Variants in EPB41 observed in about 807,000 individuals in gnomAD.
EPB41 encodes the protein erythrocyte membrane protein band 4.1.
In EPB41, 65 loss-of-function variants were observed where a neutral mutation model predicts 108.0. The ratio of observed to expected loss-of-function variants is 0.60; its 90% CI spans 0.49 to 0.74. The LOEUF (loss-of-function observed/expected upper bound fraction) is 0.74. Among genes scored for constraint, EPB41 ranks in the 30% least tolerant of loss-of-function variants. The probability of loss-of-function intolerance (pLI) is 0.00; values close to 1 mark genes in which losing one functional copy is unlikely to be tolerated. For missense variants in EPB41, 875 were observed against 1,037.0 expected (o/e 0.84, Z 2.15); for synonymous variants, 336 against 358.9 (o/e 0.94, Z 0.72).
At position 29,018,199 on chromosome 1, in the gene EPB41, T is replaced by C; in HGVS notation, c.906-25T>C. 6.2e-7 allele frequency: 1 copy of C among 1,606,766 alleles called. No individual in the cohort carries two copies. Among genetic ancestry groups the C allele is most frequent in the South Asian group, 1.1e-5 (1 of 90,932 alleles). Reference sequence around the variant, plus strand: ...TATTTTGTTGTTGTTGTTGCTGACATAACATTTTTCTCTTTTGGCTGTAGA... The same window carrying C: ...TATTTTGTTGTTGTTGTTGCTGACACAACATTTTTCTCTTTTGGCTGTAGA... On this transcript the variant is annotated intron_variant, in intron 6 of 20. Coordinates refer to ENST00000343067, the MANE Select transcript of EPB41 (RefSeq NM_001376013.1). This position sits in a 1 kb window ranked among gnomAD's most constrained non-coding sequence, Gnocchi z 4.4.
intron 1 of EPB41, among the ~76,000 whole-genome samples, chr1:28,976,542 C>T (rs149445781): frequency 2.6e-5 from 4 of 151,858 alleles, no homozygotes; most frequent in African/African-American, 4.8e-5. Context: ...TTTGCAGAGA[C>T]GAGGCCTTTC....
chr1:29,014,670 A>G (rs1208388622), intron 5 of EPB41, among the ~76,000 whole-genome samples: 2 of 152,106 alleles, frequency 1.3e-5, no homozygotes, highest in African/African-American at 2.4e-5. Context: ...GACTCGGGAG[A>G]GCCTCCCTTC....
intron 1 of EPB41, among the ~76,000 whole-genome samples, chr1:28,977,437 CA>C (rs2095634779): frequency 6.9e-6 from 1 of 145,938 alleles, no homozygotes; most frequent in Admixed American, 7.0e-5. Flanking sequence ...CTGAAATTAA[CA>C]GATGCACACT....
chr1:29,083,910 T>G (rs1490004895), intron 16 of EPB41, among the ~76,000 whole-genome samples: 1 of 152,224 alleles, frequency 6.6e-6, no homozygotes, highest in African/African-American at 2.4e-5. Flanking sequence ...CATTTTTTAG[T>G]TTGCATGTTG....
intron 1 of EPB41, among the ~76,000 whole-genome samples, chr1:28,969,953 G>A (rs1318080685): frequency 6.6e-6 from 1 of 152,060 alleles, no homozygotes; most frequent in Non-Finnish European, 1.5e-5. Context: ...ATTATTCTCT[G>A]CTAAAGTTTC....
chr1:28,904,410 G>A (rs1216564690), intron 1 of EPB41, among the ~76,000 whole-genome samples: 3 of 152,060 alleles, frequency 2.0e-5, no homozygotes, highest in African/African-American at 7.2e-5. Context: ...CATACTTAGT[G>A]TAGTATGGGG....
At chr1:28,914,936 C>T (rs1191798853) in intron 1 of EPB41, among the ~76,000 whole-genome samples, 168 bp downstream of exon 1, 4 of 151,690 alleles carry the variant, frequency 2.6e-5, no homozygotes, top group South Asian at 2.1e-4. Flanking sequence ...CTCGTGTGCA[C>T]GCCGAGTCGC....
chr1:28,977,212 C>T (rs925330513), intron 1 of EPB41, among the ~76,000 whole-genome samples: 1 of 151,920 alleles, frequency 6.6e-6, no homozygotes. Flanking sequence ...AGAATTAAAT[C>T]ATCAAACTTC....
At chr1:28,946,487 C>T (rs1420822566) in intron 1 of EPB41, among the ~76,000 whole-genome samples, 3 of 152,164 alleles carry the variant, frequency 2.0e-5, no homozygotes, top group African/African-American at 7.2e-5. Flanking sequence ...TGGATGTAAA[C>T]AATTTAGGAT....
chr1:29,028,962 A>G (rs751343084), intron 7 of EPB41, among the ~76,000 whole-genome samples: 3 of 151,692 alleles, frequency 2.0e-5, no homozygotes, highest in Non-Finnish European at 4.4e-5. Flanking sequence ...AGATCACTTG[A>G]GCCTGGGAAG....
intron 1 of EPB41, among the ~76,000 whole-genome samples, chr1:28,972,552 A>G (rs2095518816): frequency 6.6e-6 from 1 of 152,286 alleles, no homozygotes; most frequent in East Asian, 1.9e-4. Flanking sequence ...AAGTTTTTGA[A>G]AACAGCATGA....
At chr1:28,963,873 C>CT (rs1438420404) in intron 1 of EPB41, among the ~76,000 whole-genome samples, 3 of 152,172 alleles carry the variant, frequency 2.0e-5, no homozygotes, top group African/African-American at 7.2e-5. Flanking sequence ...GACGCGTCAA[C>CT]TTTTCTAAAA....
At chr1:29,045,202 T>G (rs1642807459) in intron 11 of EPB41, among the ~76,000 whole-genome samples, 1 of 152,178 alleles carries the variant, frequency 6.6e-6, no homozygotes, top group African/African-American at 2.4e-5. Context: ...ATTGGTATTA[T>G]AATATTGAGT....
At chr1:29,051,102 T>G (rs1450318821) in intron 11 of EPB41, among the ~76,000 whole-genome samples, 1 of 118,256 alleles carries the variant, frequency 8.5e-6, no homozygotes, top group South Asian at 3.1e-4. Context: ...TTTTTTTTTT[T>G]TTTTTTTTTT....
At chr1:28,974,164 T>G (rs1244480904) in intron 1 of EPB41, among the ~76,000 whole-genome samples, 1 of 152,184 alleles carries the variant, frequency 6.6e-6, no homozygotes, top group African/African-American at 2.4e-5. Context: ...AATGTAAGAT[T>G]TAAGATGCAA....
intron 1 of EPB41, among the ~76,000 whole-genome samples, chr1:28,975,081 C>T (rs937482094): frequency 1.3e-5 from 2 of 151,946 alleles, no homozygotes; most frequent in African/African-American, 4.8e-5. Context: ...GCATGAGCCA[C>T]CGTGCCTGGC....
intron 1 of EPB41, among the ~76,000 whole-genome samples, chr1:28,945,288 G>A (rs1397481304): frequency 6.6e-6 from 1 of 152,026 alleles, no homozygotes; most frequent in African/African-American, 2.4e-5. Flanking sequence ...CAGATAATAT[G>A]TGTTCCTGAA....
At chr1:29,108,028 C>CA (rs1174568864) in intron 17 of EPB41, among the ~76,000 whole-genome samples, 7,544 of 43,562 alleles carry the variant, frequency 0.17, 884 homozygotes, top group African/African-American at 0.31. Flanking sequence ...GACTCCATCT[C>CA]AAAAAAAAAA....
chr1:28,915,408 T>C (rs1557654088), intron 1 of EPB41, among the ~76,000 whole-genome samples: 1 of 152,126 alleles, frequency 6.6e-6, no homozygotes, highest in Non-Finnish European at 1.5e-5. Flanking sequence ...TCCTCCGTGC[T>C]CGCTGGGCTG....
Sources: allele counts gnomAD v4.1 joint callset (sites outside exome capture counted in the v4.1 genomes callset), GRCh38; gene constraint gnomAD v4.1.1; non-coding constraint Gnocchi (gnomAD v3.1); transcripts MANE v1.5; gene names NCBI Gene and HGNC (gene_info 2026-07-23, HGNC 2026-07-21).